HTR1F: variants seen among roughly 807,000 people sequenced by gnomAD.
HTR1F encodes 5-hydroxytryptamine (serotonin) receptor 1F, G protein-coupled.
In HTR1F, 17 loss-of-function variants were observed where a neutral mutation model predicts 24.0. The observed-to-expected ratio is 0.71, with a 90% confidence interval of 0.48 to 1.06. The LOEUF is 1.06. Among genes scored for constraint, HTR1F ranks in the 50% least tolerant of loss-of-function variants. HTR1F has a pLI of 0.00. For synonymous variants in HTR1F, 186 were observed against 156.8 expected, an observed-to-expected ratio of 1.19 and a Z score of -1.39; for missense variants, 391 against 427.8, an observed-to-expected ratio of 0.91 and a Z score of 0.76.
rs1238475228 is a variant in HTR1F at position 87,795,168 on chromosome 3, TAGAA to T, written c.-160+2328_-160+2331del. 3.7e-4 allele frequency among the ~76,000 whole-genome samples: 56 copies of T among 152,200 alleles called. No individual in the cohort carries two copies. The East Asian group carries it at 6.0e-3, about 16-fold the overall frequency. On this transcript the variant is annotated intron_variant, in intron 1 of 2. Coordinates refer to ENST00000319595, the MANE Select transcript of HTR1F (RefSeq NM_001322209.2). ...ACACCCAGCTAATTTGTATTTTTAG[TAGAA>T]ACAAGGTTTCACCATGTTGGCCAGG...
intron 2 of HTR1F, among the ~76,000 whole-genome samples, chr3:87,948,357 T>C (rs1009884116): frequency 1.3e-5 from 2 of 152,228 alleles, no homozygotes; most frequent in African/African-American, 4.8e-5. Flanking sequence ...TTGTATTTTA[T>C]TGTATCTAAA....
At chr3:87,842,306 G>A (rs1178845180) in intron 2 of HTR1F, among the ~76,000 whole-genome samples, 2 of 151,580 alleles carry the variant, frequency 1.3e-5, no homozygotes, top group South Asian at 2.1e-4. Context: ...GATTATAGGC[G>A]CCCACCACCA....
Position 87,888,491 on chromosome 3 carries a change from G to A in HTR1F, c.-43+66367G>A, listed in dbSNP as rs564591183. Among the ~76,000 whole-genome samples, 12 of 151,306 alleles carry A rather than the reference G, an allele frequency of 7.9e-5. No individual in the cohort carries two copies. The South Asian group carries it at 2.3e-3, about 29-fold the overall frequency. On this transcript the variant is annotated intron_variant, in intron 2 of 2. Coordinates refer to ENST00000319595, the MANE Select transcript of HTR1F (RefSeq NM_001322209.2). Reference sequence around the variant, plus strand: ...ATAAAAAATAAAATAAAATAAAATAGAAGTATGAAATTACTAAATACATTG... The same window carrying A: ...ATAAAAAATAAAATAAAATAAAATAAAAGTATGAAATTACTAAATACATTG...
intron 2 of HTR1F, among the ~76,000 whole-genome samples, chr3:87,838,870 G>C (rs1160236277): frequency 1.3e-5 from 2 of 150,116 alleles, no homozygotes; most frequent in South Asian, 2.1e-4. Context: ...AAGTAAGGCT[G>C]TTTCCTTGTT....
At chr3:87,802,738 A>C (rs1374379820) in intron 1 of HTR1F, among the ~76,000 whole-genome samples, 1 of 152,200 alleles carries the variant, frequency 6.6e-6, no homozygotes, top group Non-Finnish European at 1.5e-5. Context: ...AATTTGGCAC[A>C]TGCTTACAAG....
intron 2 of HTR1F, among the ~76,000 whole-genome samples, chr3:87,967,496 C>A (rs148446104): frequency 9.9e-5 from 15 of 151,338 alleles, no homozygotes; most frequent in Non-Finnish European, 1.5e-4. Flanking sequence ...AGGAGTGATA[C>A]GGCTTGGCTG....
chr3:87,927,913 T>A (rs960051301), intron 2 of HTR1F, among the ~76,000 whole-genome samples: 1 of 152,142 alleles, frequency 6.6e-6, no homozygotes, highest in Non-Finnish European at 1.5e-5. Flanking sequence ...CTTTTAAAAA[T>A]TTTTATATCA....
intron 2 of HTR1F, among the ~76,000 whole-genome samples, chr3:87,979,926 C>T (rs1315110838): frequency 6.6e-6 from 1 of 152,198 alleles, no homozygotes; most frequent in Non-Finnish European, 1.5e-5. Flanking sequence ...GCAGTAGCAC[C>T]TGGAAGCATG....
chr3:87,906,052 A>G (rs561042140), intron 2 of HTR1F, among the ~76,000 whole-genome samples: 16 of 152,226 alleles, frequency 1.1e-4, no homozygotes, highest in African/African-American at 3.6e-4. Context: ...TAATTGAACT[A>G]TACATTATTG....
chr3:87,834,163 T>C (rs1704637156), intron 2 of HTR1F, among the ~76,000 whole-genome samples: 1 of 152,174 alleles, frequency 6.6e-6, no homozygotes, highest in Non-Finnish European at 1.5e-5. Context: ...AAAACCCAAG[T>C]TGGATTCCTC....
At chr3:87,989,910 T>C (rs537069197) in intron 2 of HTR1F, among the ~76,000 whole-genome samples, 16 of 152,340 alleles carry the variant, frequency 1.1e-4, no homozygotes, top group African/African-American at 3.6e-4. Context: ...TTCTAAGCTA[T>C]ATGTCTTCAT....
chr3:87,799,365 T>G (rs1261881152), intron 1 of HTR1F, among the ~76,000 whole-genome samples: 1 of 152,198 alleles, frequency 6.6e-6, no homozygotes, highest in African/African-American at 2.4e-5. Context: ...TATCATTTCT[T>G]TAAATTGAAT....
At chr3:87,802,870 C>T (rs1704016938) in intron 1 of HTR1F, among the ~76,000 whole-genome samples, 1 of 152,176 alleles carries the variant, frequency 6.6e-6, no homozygotes, top group African/African-American at 2.4e-5. Flanking sequence ...CCCATTGCAA[C>T]ATTCTGTTTA....
intron 2 of HTR1F, among the ~76,000 whole-genome samples, chr3:87,985,183 A>G (rs912598014): frequency 2.6e-5 from 4 of 152,024 alleles, no homozygotes; most frequent in Non-Finnish European, 5.9e-5. Flanking sequence ...TAAAAATACA[A>G]AATTAGCTGG....
At chr3:87,885,705 T>C (rs1328797664) in intron 2 of HTR1F, among the ~76,000 whole-genome samples, 2 of 152,124 alleles carry the variant, frequency 1.3e-5, no homozygotes, top group South Asian at 2.1e-4. Context: ...GAGAATACTA[T>C]AAACACCTCT....
chr3:87,859,004 T>G (rs780364316), intron 2 of HTR1F, among the ~76,000 whole-genome samples: 2 of 151,990 alleles, frequency 1.3e-5, no homozygotes, highest in Non-Finnish European at 2.9e-5. Flanking sequence ...GAGACCAGCC[T>G]GGCCAACATG....
chr3:87,914,917 G>A (rs1383177722), intron 2 of HTR1F, among the ~76,000 whole-genome samples: 3 of 152,054 alleles, frequency 2.0e-5, no homozygotes, highest in Non-Finnish European at 4.4e-5. Context: ...AACCACGTAA[G>A]CTAAGAACCC....
intron 2 of HTR1F, among the ~76,000 whole-genome samples, chr3:87,870,287 C>A (rs539472422): frequency 2.6e-5 from 4 of 152,096 alleles, no homozygotes; most frequent in African/African-American, 7.2e-5. Context: ...TCAGGATGGT[C>A]CAGAGTTTGT....
intron 2 of HTR1F, among the ~76,000 whole-genome samples, chr3:87,873,662 G>T (rs1575972166): frequency 6.6e-6 from 1 of 152,066 alleles, no homozygotes; most frequent in African/African-American, 2.4e-5. Context: ...CACAAATATT[G>T]ATGCAAAAAT....
Sources: gnomAD v4.1 joint callset for allele counts (sites outside exome capture counted in the v4.1 genomes callset) on GRCh38, gnomAD v4.1.1 for gene constraint, MANE v1.5 for transcripts, NCBI Gene and HGNC (gene_info 2026-07-23, HGNC 2026-07-21) for gene names.